STAB2: variants seen among roughly 807,000 people sequenced by gnomAD.
STAB2 encodes stabilin-2.
In STAB2, 288 loss-of-function variants were observed where a neutral mutation model predicts 338.1. The ratio of observed to expected loss-of-function variants is 0.85; its 90% CI spans 0.77 to 0.94. The LOEUF (loss-of-function observed/expected upper bound fraction) is 0.94, where lower values mean the gene tolerates loss of function less well. Ranked by LOEUF, STAB2 falls within the 40% of genes least tolerant of loss-of-function variation. The pLI is 0.00. For missense variants in STAB2, 3,141 were observed against 3,210.1 expected (o/e 0.98, Z 0.52); for synonymous variants, 1,202 against 1,193.3 (o/e 1.01, Z -0.15).
chr12:103,694,746 A>G (rs772310127), intron 31 of STAB2, among the ~76,000 whole-genome samples: 1 of 152,164 alleles, frequency 6.6e-6, no homozygotes, highest in Non-Finnish European at 1.5e-5. Flanking sequence ...TAGATTAGAA[A>G]AACATTCCAG....
At chr12:103,648,662 T>C (rs1471121502) in intron 9 of STAB2, 28 bp from the exon 10 acceptor site, 2 of 1,609,362 alleles carry the variant, frequency 1.2e-6, no homozygotes, top group Non-Finnish European at 1.7e-6. Context: ...TCTAAAACCC[T>C]GAGGATGTCT....
At position 103,677,566 on chromosome 12, in the gene STAB2, C is replaced by T. The variant is rs769915775; in HGVS notation, c.2760C>T (p.Gly920=). The part of the protein sequence containing the change: ...EINNCLLPSA[G]GCHDNASCLY... The stretch of plus-strand genomic sequence containing the variant: ...ACAACTGCCTGCTGCCCAGTGCAGG[C>T]GGCTGCCACGACAACGCATCCTGTT... Residue 920 remains glycine, a synonymous_variant, in exon 25 of 69, where the codon GGC becomes GGT. Coordinates refer to ENST00000388887, the MANE Select transcript of STAB2 (RefSeq NM_017564.10). 8.7e-6 allele frequency: 14 copies of T among 1,613,934 alleles called. No homozygotes were observed. The highest frequency in any genetic ancestry group is 1.1e-5 in the South Asian group (1 of 91,086).
At chr12:103,658,503 A>T (rs1471974638) in intron 15 of STAB2, among the ~76,000 whole-genome samples, 1 of 152,140 alleles carries the variant, frequency 6.6e-6, no homozygotes, top group Non-Finnish European at 1.5e-5. Flanking sequence ...GGATACAATA[A>T]TTAATTCCTG....
chr12:103,724,392 A>C (rs1881014351), intron 44 of STAB2, among the ~76,000 whole-genome samples: 1 of 152,096 alleles, frequency 6.6e-6, no homozygotes, highest in African/African-American at 2.4e-5. Flanking sequence ...AAGCACGGGG[A>C]AGGGTTTGTG....
chr12:103,626,967 A>G (rs1441193088), intron 5 of STAB2, among the ~76,000 whole-genome samples: 4 of 152,220 alleles, frequency 2.6e-5, no homozygotes, highest in Non-Finnish European at 4.4e-5. Context: ...CCCCAAATCA[A>G]TCACACAACC....
At position 103,701,964 on chromosome 12, in the gene STAB2, A is replaced by C. The variant is rs188866690; in HGVS notation, c.3715-1184A>C. 8.4e-5 allele frequency among the ~76,000 whole-genome samples: 12 copies of C among 142,874 alleles called. No homozygotes were observed. In the East Asian group the frequency reaches 2.2e-3, roughly 27 times the overall value. 93.7% of individuals were successfully genotyped at this position (142,874 alleles called of 152,430 possible). A position where few individuals can be genotyped will look rare whatever the true frequency, so the allele number is the denominator to read the frequency against. On this transcript the variant is annotated intron_variant, in intron 34 of 68. Coordinates refer to ENST00000388887, the MANE Select transcript of STAB2 (RefSeq NM_017564.10). ...CTAACTTGAGTTTTCCCCTCTCCCAACTTCAGCCCTGCTACACACACACAC... is the reference window on the plus strand; with the variant it reads ...CTAACTTGAGTTTTCCCCTCTCCCACCTTCAGCCCTGCTACACACACACAC...
rs200956819 is a variant in STAB2, at chr12:103,640,209, G to A, written c.993G>A (p.Pro331=). The A allele has an allele frequency of 1.7e-4, 281 of 1,613,708 alleles. No individual in the cohort carries two copies. The highest frequency in any genetic ancestry group is 3.7e-4 in the Admixed American group (22 of 60,016). Reference sequence around the variant, plus strand: ...CTGATATATGTAAATCAGATAACCCGTGTCATAGGAATGCAAATTGCACCA... The same window carrying A: ...CTGATATATGTAAATCAGATAACCCATGTCATAGGAATGCAAATTGCACCA... ...SMTDICKSDN[P]CHRNANCTTV... is the part of the protein sequence containing the mutation. The change falls in exon 9 of 69, where the codon CCG becomes CCA. Residue 331 remains proline, a synonymous_variant. Transcript: ENST00000388887.
chr12:103,651,248 A>G (rs1397044068), intron 11 of STAB2, among the ~76,000 whole-genome samples: 3 of 150,508 alleles, frequency 2.0e-5, no homozygotes, highest in African/African-American at 7.3e-5. Flanking sequence ...AGGAACTGGT[A>G]TTCTATATAT....
intron 1 of STAB2, among the ~76,000 whole-genome samples, chr12:103,587,799 A>G (rs1956735169): frequency 6.6e-6 from 1 of 152,192 alleles, no homozygotes; most frequent in African/African-American, 2.4e-5. Flanking sequence ...TCTTAGTGCT[A>G]ACGATCCTCT....
intron 25 of STAB2, among the ~76,000 whole-genome samples, chr12:103,681,613 CTTTT>C (rs907234037): frequency 1.4e-4 from 13 of 92,950 alleles, no homozygotes; most frequent in Admixed American, 2.2e-4. Flanking sequence ...TTCCCCCCTA[CTTTT>C]TTTTTTTTTT....
In STAB2 at chr12:103,742,558, T is replaced by A; in HGVS notation, c.6031+4T>A. On this transcript the variant is annotated splice_donor_region_variant and intron_variant, in intron 56 of 68. Transcript: ENST00000388887. ...AGATTCGGGCCTGATTGTCTGCGTATGTGGCGCCGCTTCTCCGTGCTAGAG... is the reference window on the plus strand; with the variant it reads ...AGATTCGGGCCTGATTGTCTGCGTAAGTGGCGCCGCTTCTCCGTGCTAGAG... The A allele has an allele frequency of 6.2e-7, 1 of 1,614,160 alleles. No homozygotes were observed. The highest frequency in any genetic ancestry group is 8.5e-7 in the Non-Finnish European group (1 of 1,180,006).
intron 33 of STAB2, among the ~76,000 whole-genome samples, chr12:103,696,708 TAG>T (rs1212291719): frequency 6.6e-6 from 1 of 152,182 alleles, no homozygotes; most frequent in African/African-American, 2.4e-5. Flanking sequence ...TCCACCCCTC[TAG>T]GTCCCTGCTG....
rs1405506812 is a variant in STAB2 at position 103,662,828 on chromosome 12, G to T, written c.1870-18G>T. 1 of 1,613,720 alleles carries T rather than the reference G, an allele frequency of 6.2e-7. No individual in the cohort carries two copies. The highest frequency in any genetic ancestry group is 2.2e-5 in the East Asian group (1 of 44,886). On this transcript the variant is annotated intron_variant, in intron 17 of 68. Coordinates refer to ENST00000388887, the MANE Select transcript of STAB2 (RefSeq NM_017564.10). ...TACAGAATAGTACAGAATTAGAGAT[G>T]TCATTTTTTCTTTCCAGGGACAGAT...
chr12:103,723,360 G>A (rs1880921338), intron 44 of STAB2, among the ~76,000 whole-genome samples: 1 of 152,178 alleles, frequency 6.6e-6, no homozygotes, highest in Admixed American at 6.5e-5. Context: ...CTTGTGCAGG[G>A]AAACTCCCAT....
Position 103,731,616 on chromosome 12 carries a change from A to C in STAB2, c.5264A>C (p.Lys1755Thr), listed in dbSNP as rs915486942. 4 of 1,613,740 alleles carry C rather than the reference A, an allele frequency of 2.5e-6. No individual in the cohort carries two copies. The highest frequency in any genetic ancestry group is 2.7e-5 in the African/African-American group (2 of 74,926). ...TTGGCAACAAACAATGGCTACATCA[A>C]ATTTAGCAACTTAATACAGGTAAAA... is the stretch of plus-strand genomic sequence containing the variant. ...TTLATNNGYI[K>T]FSNLIQDSGL... Residue 1755 changes from lysine (K) to threonine (T), a missense_variant, in exon 50 of 69, where the codon AAA (lysine) becomes ACA (threonine). Coordinates refer to ENST00000388887, the MANE Select transcript of STAB2 (RefSeq NM_017564.10).
chr12:103,740,731 G>C lies in STAB2; in HGVS notation c.5856G>C (p.Lys1952Asn), dbSNP rs780207195. ...TGATACAGATCCCCAGGTGCTGCAA[G>C]GGCTACTTCGGGCGAGACTGTCAGG... is the stretch of plus-strand genomic sequence containing the variant. ...SLVIQIPRCC[K>N]GYFGRDCQAC... The change falls in exon 55 of 69, where the codon AAG becomes AAC. Residue 1952 changes from lysine (K) to asparagine (N), a missense_variant. By Grantham distance (94) the Lys-to-Asn change is moderately conservative. Transcript: ENST00000388887. 2 of 1,592,694 alleles carry C rather than the reference G, an allele frequency of 1.3e-6. No homozygotes were observed. The highest frequency in any genetic ancestry group is 8.5e-7 in the Non-Finnish European group (1 of 1,172,612).
At chr12:103,682,635 A>G (rs1485391089) in intron 25 of STAB2, among the ~76,000 whole-genome samples, 1 of 152,156 alleles carries the variant, frequency 6.6e-6, no homozygotes, top group South Asian at 2.1e-4. Context: ...GACTATCTCC[A>G]TAGGACCCTC....
intron 10 of STAB2, among the ~76,000 whole-genome samples, 186 bp downstream of exon 10, chr12:103,649,009 T>C (rs1873540096): frequency 1.3e-5 from 2 of 152,048 alleles, no homozygotes; most frequent in African/African-American, 4.8e-5. Context: ...AAAGAGATAG[T>C]GCCAAGAGAT....
At position 103,590,951 on chromosome 12, in the gene STAB2, T is replaced by A; in HGVS notation, c.136T>A (p.Cys46Ser). 6.2e-7 allele frequency: 1 copy of A among 1,614,152 alleles called. No homozygotes were observed. Among genetic ancestry groups the A allele is most frequent in the Non-Finnish European group, 8.5e-7 (1 of 1,180,014 alleles). Residue 46 changes from cysteine (C) to serine (S), a missense_variant, in exon 2 of 69, where the codon TGC becomes AGC. Coordinates refer to ENST00000388887, the MANE Select transcript of STAB2 (RefSeq NM_017564.10). ...TACAATTAGGACCGAGTGCCGATCC[T>A]GCGCTCTCAACCTTGGAGTCAAGTG... ...LLTIRTECRS[C>S]ALNLGVKCPD... is the part of the protein sequence containing the mutation.
Sources: gnomAD v4.1 joint callset for allele counts (sites outside exome capture counted in the v4.1 genomes callset) on GRCh38, gnomAD v4.1.1 for gene constraint, MANE v1.5 for transcripts, NCBI Gene and HGNC (gene_info 2026-07-23, HGNC 2026-07-21) for gene names.